The following SAMD3 variants were observed in gnomAD, a reference collection of about 807,000 sequenced individuals.
SAMD3 encodes the protein sterile alpha motif domain-containing protein 3.
A neutral mutation model predicts 58.5 loss-of-function variants in SAMD3; 63 were observed. That is an observed-to-expected ratio of 1.08 (90% CI 0.88 to 1.33). The LOEUF (loss-of-function observed/expected upper bound fraction) is 1.33, where lower values mean the gene tolerates loss of function less well. Ranked by LOEUF, SAMD3 falls within the 40% of genes most tolerant of loss-of-function variation. The probability of loss-of-function intolerance (pLI) is 0.00; values close to 1 mark genes in which losing one functional copy is unlikely to be tolerated. For missense variants in SAMD3, 604 were observed against 608.4 expected, an observed-to-expected ratio of 0.99 and a Z score of 0.08; for synonymous variants, 220 against 210.3, an observed-to-expected ratio of 1.05 and a Z score of -0.40.
chr6:130,342,426 T>C (rs1777301805), intron 1 of SAMD3, among the ~76,000 whole-genome samples: 1 of 152,204 alleles, frequency 6.6e-6, no homozygotes, highest in Admixed American at 6.5e-5. Flanking sequence ...TCATTTTCAA[T>C]TAATTTTAGC....
intron 1 of SAMD3, among the ~76,000 whole-genome samples, chr6:130,364,416 C>G (rs966240954): frequency 4.6e-5 from 7 of 152,066 alleles, no homozygotes; most frequent in Admixed American, 4.6e-4. Flanking sequence ...TTACTCACTC[C>G]TTAGATAGTG....
intron 2 of SAMD3, among the ~76,000 whole-genome samples, chr6:130,298,937 C>T (rs539127397): frequency 2.0e-5 from 3 of 152,172 alleles, no homozygotes; most frequent in South Asian, 4.1e-4. Flanking sequence ...ATGCACTGAA[C>T]ATCAGAGTAC....
intron 1 of SAMD3, among the ~76,000 whole-genome samples, chr6:130,343,974 C>T (rs200560213): frequency 6.8e-6 from 1 of 146,694 alleles, no homozygotes; most frequent in East Asian, 2.0e-4. Flanking sequence ...TAAAAACAAA[C>T]AAAAAAAAAA....
intron 2 of SAMD3, among the ~76,000 whole-genome samples, chr6:130,250,608 T>A (rs1158940250): frequency 1.3e-5 from 2 of 152,142 alleles, no homozygotes; most frequent in African/African-American, 4.8e-5. Flanking sequence ...TGTTCTATCA[T>A]CTCCCCAAGC....
At chr6:130,269,296 T>A (rs1025068373) in intron 2 of SAMD3, among the ~76,000 whole-genome samples, 19 of 152,208 alleles carry the variant, frequency 1.2e-4, no homozygotes, top group Admixed American at 1.0e-3. Flanking sequence ...GGTTCTCTAT[T>A]CTTTTTGAAA....
chr6:130,361,783 G>A (rs541238047), intron 1 of SAMD3, among the ~76,000 whole-genome samples: 91 of 152,312 alleles, frequency 6.0e-4, no homozygotes, highest in African/African-American at 1.8e-3. Flanking sequence ...CACAGTGTCT[G>A]AGAATGTTAT....
At chr6:130,309,738 G>A (rs1421976935) in intron 2 of SAMD3, among the ~76,000 whole-genome samples, 1 of 152,204 alleles carries the variant, frequency 6.6e-6, no homozygotes, top group African/African-American at 2.4e-5. Context: ...TTGCTGAGTG[G>A]AGAGTCAGAA....
intron 8 of SAMD3, among the ~76,000 whole-genome samples, chr6:130,168,837 C>G (rs1267065804): frequency 6.6e-6 from 1 of 152,090 alleles, no homozygotes. Flanking sequence ...GGGTCTGGCT[C>G]TGTCACCCAG....
At chr6:130,195,319 C>A (rs1310285822) in intron 5 of SAMD3, among the ~76,000 whole-genome samples, 4 of 152,170 alleles carry the variant, frequency 2.6e-5, no homozygotes, top group African/African-American at 7.2e-5. Flanking sequence ...TTGCCCTGCT[C>A]AATGCCAAGA....
chr6:130,200,054 A>AGTCT (rs1794497314), intron 5 of SAMD3, among the ~76,000 whole-genome samples: 1 of 152,058 alleles, frequency 6.6e-6, no homozygotes, highest in Non-Finnish European at 1.5e-5. Context: ...CCAGTGTGAG[A>AGTCT]TTCAAGGCCT....
At chr6:130,265,604 T>C (rs1774316345) in intron 2 of SAMD3, among the ~76,000 whole-genome samples, 1 of 152,166 alleles carries the variant, frequency 6.6e-6, no homozygotes, top group African/African-American at 2.4e-5. Flanking sequence ...AAAGAACTTG[T>C]TTGTATAATG....
intron 1 of SAMD3, among the ~76,000 whole-genome samples, chr6:130,318,128 T>C (rs1213154204): frequency 1.3e-5 from 2 of 152,200 alleles, no homozygotes; most frequent in East Asian, 3.9e-4. Flanking sequence ...GGAGCTCACA[T>C]GGAGCCGCAA....
At chr6:130,230,640 G>A (rs62431200) in intron 2 of SAMD3, among the ~76,000 whole-genome samples, 21,692 of 152,024 alleles carry the variant, frequency 0.14, 1,765 homozygotes, top group East Asian at 0.36. Flanking sequence ...CACCTGCCTC[G>A]GTCTCCCAAA....
At chr6:130,278,911 G>A (rs12197194) in intron 2 of SAMD3, among the ~76,000 whole-genome samples, 50,909 of 151,912 alleles carry the variant, frequency 0.34, 8,770 homozygotes, top group East Asian at 0.47. Flanking sequence ...ACGGTGGGGA[G>A]ACACGATGTG....
At chr6:130,178,796 G>A (rs1791990657) in intron 7 of SAMD3, among the ~76,000 whole-genome samples, 1 of 152,218 alleles carries the variant, frequency 6.6e-6, no homozygotes, top group Admixed American at 6.5e-5. Flanking sequence ...AAACTAAAGT[G>A]CTGTTTGTAA....
rs570452374 is a variant in SAMD3, at chr6:130,254,001, C to CT, written c.-187-31189dup. 6.7e-3 allele frequency among the ~76,000 whole-genome samples: 1,000 copies of CT among 150,240 alleles called. 7 individuals carry two copies. The highest frequency in any genetic ancestry group is 0.01 in the Non-Finnish European group (695 of 67,396). On this transcript the variant is annotated intron_variant, in intron 2 of 13. Coordinates refer to the SAMD3 transcript ENST00000368134. ...TAAGCATTTTGCTGTAGTTACCCAT[C>CT]TTTTTTTTTGAGACAAAGTCTCACT...
chr6:130,178,256 G>A (rs1261755034), intron 7 of SAMD3, among the ~76,000 whole-genome samples: 2 of 125,600 alleles, frequency 1.6e-5, no homozygotes, highest in African/African-American at 7.6e-5. Flanking sequence ...GATTACAGGC[G>A]TGAGCCACCA....
At chr6:130,294,909 ATTT>A (rs774036634) in intron 2 of SAMD3, among the ~76,000 whole-genome samples, 1 of 56,166 alleles carries the variant, frequency 1.8e-5, no homozygotes, top group Non-Finnish European at 3.3e-5. Context: ...CATTTCTCTG[ATTT>A]TTTTTTTTTT....
At chr6:130,364,678 C>A (rs1267866306) in intron 1 of SAMD3, among the ~76,000 whole-genome samples, 5 of 151,876 alleles carry the variant, frequency 3.3e-5, no homozygotes, top group East Asian at 1.9e-4. Flanking sequence ...CTTCCCCCAC[C>A]GTAACTCCTT....
Sources: gnomAD v4.1 joint callset for allele counts (sites outside exome capture counted in the v4.1 genomes callset) on GRCh38, gnomAD v4.1.1 for gene constraint, MANE v1.5 for transcripts, NCBI Gene and HGNC (gene_info 2026-07-23, HGNC 2026-07-21) for gene names.